DYM: variants seen among roughly 807,000 people sequenced by gnomAD.
DYM encodes dyggve-Melchior-Clausen syndrome protein.
DYM carries 78 observed loss-of-function variants against 93.1 expected under a neutral mutation model. That is an observed-to-expected ratio of 0.84 (90% CI 0.70 to 1.01). The LOEUF is 1.01. DYM is among the 50% of genes least tolerant of loss of function. DYM has a pLI of 0.00. For missense variants in DYM, 789 were observed against 845.0 expected (o/e 0.93, Z 0.82); for synonymous variants, 321 against 319.7 (o/e 1.00, Z -0.04).
At chr18:49,278,704 C>T (rs771386775) in intron 10 of DYM, among the ~76,000 whole-genome samples, 6 of 152,088 alleles carry the variant, frequency 3.9e-5, no homozygotes, top group Non-Finnish European at 7.4e-5. Flanking sequence ...CCTGCCTCCC[C>T]ACTTGGAAAG....
chr18:49,168,131 T>C (rs1234385297), intron 14 of DYM, among the ~76,000 whole-genome samples: 1 of 152,106 alleles, frequency 6.6e-6, no homozygotes, highest in Non-Finnish European at 1.5e-5. Flanking sequence ...CAAATATATA[T>C]GGAAATGATA....
chr18:49,382,192 A>G (rs77286097), intron 3 of DYM, among the ~76,000 whole-genome samples: 3 of 152,188 alleles, frequency 2.0e-5, no homozygotes, highest in Non-Finnish European at 4.4e-5. Flanking sequence ...CGACTACTTG[A>G]TTGATGTAAT....
At chr18:49,382,519 A>C (rs1035916595) in intron 3 of DYM, among the ~76,000 whole-genome samples, 2 of 152,214 alleles carry the variant, frequency 1.3e-5, no homozygotes, top group Non-Finnish European at 2.9e-5. Context: ...AATTGGTGCA[A>C]ATAAAATGCT....
intron 15 of DYM, among the ~76,000 whole-genome samples, chr18:49,120,100 A>G (rs2031776278): frequency 6.6e-6 from 1 of 151,382 alleles, no homozygotes; most frequent in African/African-American, 2.4e-5. Context: ...AAAAAAGAAA[A>G]AAAAGAAAAG....
chr18:49,436,059 C>T (rs2080834151), intron 1 of DYM, among the ~76,000 whole-genome samples: 1 of 152,180 alleles, frequency 6.6e-6, no homozygotes, highest in African/African-American at 2.4e-5. Flanking sequence ...GTCACCCACA[C>T]TAGAGTGCAG....
At chr18:49,268,117 TA>T (rs910735466) in intron 11 of DYM, among the ~76,000 whole-genome samples, 3 of 152,068 alleles carry the variant, frequency 2.0e-5, no homozygotes, top group African/African-American at 7.2e-5. Flanking sequence ...AAAAGCACAT[TA>T]AAAATAAATT....
chr18:49,163,499 C>T (rs2087450323), intron 15 of DYM, among the ~76,000 whole-genome samples, 186 bp downstream of exon 15: 1 of 152,068 alleles, frequency 6.6e-6, no homozygotes, highest in African/African-American at 2.4e-5. Context: ...GTGTGCACCA[C>T]CACACCCGGC....
chr18:49,284,842 T>TTA (rs912973303), intron 9 of DYM, among the ~76,000 whole-genome samples: 4 of 152,194 alleles, frequency 2.6e-5, no homozygotes, highest in African/African-American at 9.7e-5. Context: ...TTGTCCTGTG[T>TTA]TATAGTTTGC....
At chr18:49,213,971 C>T (rs1459540180) in intron 13 of DYM, among the ~76,000 whole-genome samples, 1 of 152,176 alleles carries the variant, frequency 6.6e-6, no homozygotes, top group East Asian at 1.9e-4. Flanking sequence ...GATTCAAAAT[C>T]TCAACAGTGG....
intron 14 of DYM, among the ~76,000 whole-genome samples, chr18:49,208,087 G>C (rs1650120706): frequency 1.3e-5 from 2 of 151,190 alleles, no homozygotes; most frequent in South Asian, 4.2e-4. Flanking sequence ...GGAGGCTGAG[G>C]TGGGAGAACT....
intron 8 of DYM, among the ~76,000 whole-genome samples, chr18:49,291,395 T>C (rs1343838328): frequency 6.6e-6 from 1 of 152,212 alleles, no homozygotes; most frequent in Non-Finnish European, 1.5e-5. Context: ...ATATGTAATT[T>C]CCTACACAAT....
At chr18:49,228,509 C>A (rs2093606481) in intron 13 of DYM, among the ~76,000 whole-genome samples, 1 of 152,094 alleles carries the variant, frequency 6.6e-6, no homozygotes, top group Non-Finnish European at 1.5e-5. Context: ...TGGTCCCCAG[C>A]CAAAAGGAAA....
Position 49,242,810 on chromosome 18 carries a change from C to T in DYM, c.1460+14200G>A, listed in dbSNP as rs573662354. The stretch of plus-strand genomic sequence containing the variant: ...CGCCTCTGGGGTTCACGCCATTCTC[C>T]TGCCTCAGCCTCCCGAGTAGCTGGG... On this transcript the variant is annotated intron_variant, in intron 13 of 17. Transcript: ENST00000675505. Among the ~76,000 whole-genome samples the T allele has an allele frequency of 2.0e-5, 3 of 152,294 alleles. No homozygotes were observed. In the East Asian group the frequency reaches 5.8e-4, roughly 29 times the overall value.
intron 3 of DYM, among the ~76,000 whole-genome samples, chr18:49,384,471 C>T (rs2068379818): frequency 6.6e-6 from 1 of 151,060 alleles, no homozygotes; most frequent in Non-Finnish European, 1.5e-5. Flanking sequence ...ACTAAAAATA[C>T]AAAAATCAGC....
intron 13 of DYM, 52 bp downstream of exon 13, chr18:49,256,958 T>G: frequency 6.8e-7 from 1 of 1,474,940 alleles, no homozygotes; most frequent in Non-Finnish European, 9.5e-7. Flanking sequence ...AGTATCCATC[T>G]TAATAGCTCA....
chr18:49,052,317 T>G (rs561807724), intron 17 of DYM, among the ~76,000 whole-genome samples: 2 of 152,332 alleles, frequency 1.3e-5, no homozygotes, highest in African/African-American at 2.4e-5. Flanking sequence ...TACCTCCCTA[T>G]AGAGAAAGCC....
intron 8 of DYM, among the ~76,000 whole-genome samples, chr18:49,292,439 G>A (rs2060200909): frequency 6.6e-6 from 1 of 150,550 alleles, no homozygotes; most frequent in Non-Finnish European, 1.5e-5. Flanking sequence ...CAGTACTGCA[G>A]GGAGAGATGA....
intron 3 of DYM, among the ~76,000 whole-genome samples, chr18:49,384,076 C>A (rs2068320972): frequency 6.6e-6 from 1 of 152,142 alleles, no homozygotes; most frequent in Non-Finnish European, 1.5e-5. Flanking sequence ...GTAATCCCAG[C>A]ACTTTCAGAG....
At chr18:49,206,220 G>T (rs1399028818) in intron 14 of DYM, among the ~76,000 whole-genome samples, 1 of 151,854 alleles carries the variant, frequency 6.6e-6, no homozygotes, top group Non-Finnish European at 1.5e-5. Context: ...GGATGGTCTC[G>T]ATCTCCTGAC....
Sources: allele counts gnomAD v4.1 joint callset (sites outside exome capture counted in the v4.1 genomes callset), GRCh38; gene constraint gnomAD v4.1.1; transcripts MANE v1.5; gene names NCBI Gene and HGNC (gene_info 2026-07-23, HGNC 2026-07-21).